Variants in LIPH observed in about 807,000 individuals in gnomAD.
LIPH encodes the protein lipase member H.
Under a neutral mutation model 47.6 loss-of-function variants are expected in LIPH, and 32 were observed. That is an observed-to-expected ratio of 0.67 (90% CI 0.51 to 0.90). The LOEUF is 0.90. Among genes scored for constraint, LIPH ranks in the 40% least tolerant of loss-of-function variants. LIPH has a pLI of 0.00. For synonymous variants in LIPH, 190 were observed against 195.6 expected (o/e 0.97, Z 0.24); for missense variants, 497 against 541.4 (o/e 0.92, Z 0.81).
chr3:185,508,294 A>C lies in LIPH; in HGVS notation c.*496T>G, dbSNP rs576853308. 6.0e-6 allele frequency: 1 copy of C among 167,156 alleles called. No homozygotes were observed. The highest frequency in any genetic ancestry group is 1.5e-4 in the South Asian group (1 of 6,520). 10.4% of individuals were successfully genotyped at this position (167,156 alleles called of 1,614,324 possible). A position where few individuals can be genotyped will look rare whatever the true frequency, so the allele number is the denominator to read the frequency against. ...ATGTGGCACCTATGGGATTTCAAAA[A>C]ACCCTTCATAGATTTTTGCCTCCCA... On this transcript the variant is annotated 3_prime_UTR_variant, in exon 10 of 10. Transcript: ENST00000296252.
At chr3:185,529,176 CAAAAAAAAA>C (rs1173804674) in intron 3 of LIPH, among the ~76,000 whole-genome samples, 1 of 54,446 alleles carries the variant, frequency 1.8e-5, no homozygotes, top group Non-Finnish European at 3.1e-5. Context: ...GACTCCGTCT[CAAAAAAAAA>C]AAAAAAAGAA....
intron 1 of LIPH, among the ~76,000 whole-genome samples, chr3:185,536,684 G>GTAAA (rs991126459): frequency 4.6e-5 from 7 of 151,886 alleles, no homozygotes; most frequent in South Asian, 4.2e-4. Flanking sequence ...AAATAAATAT[G>GTAAA]TAAATAAATA....
chr3:185,530,410 G>A (rs1228448760), intron 3 of LIPH, among the ~76,000 whole-genome samples: 12 of 151,812 alleles, frequency 7.9e-5, no homozygotes, highest in African/African-American at 2.4e-4. Context: ...CCTAGGAGGC[G>A]GAGGTTGCAA....
At chr3:185,530,364 G>A (rs931528738) in intron 3 of LIPH, among the ~76,000 whole-genome samples, 1 of 152,074 alleles carries the variant, frequency 6.6e-6, no homozygotes, top group Non-Finnish European at 1.5e-5. Context: ...TGTAGTCCCA[G>A]CTACTCGGGA....
Position 185,527,557 on chromosome 3 carries a change from G to A in LIPH, c.555C>T (p.Asn185=), listed in dbSNP as rs761299582. Reference sequence around the variant, plus strand: ...CTAATCTGTCTTGGTGAGGTTTCCCGTTGAATAAAGGGCCTGCAGGGTCGA... The same window carrying A: ...CTAATCTGTCTTGGTGAGGTTTCCCATTGAATAAAGGGCCTGCAGGGTCGA... ...TGLDPAGPLF[N]GKPHQDRLDP... is the part of the protein sequence containing the mutation. Residue 185 remains asparagine (N), a synonymous_variant, in exon 4 of 10, where the codon AAC becomes AAT. Transcript: ENST00000296252. 6.2e-7 allele frequency: 1 copy of A among 1,612,386 alleles called. No individual in the cohort carries two copies. The highest frequency in any genetic ancestry group is 8.5e-7 in the Non-Finnish European group (1 of 1,179,476).
In LIPH at chr3:185,508,300, T is replaced by G; in HGVS notation, c.*490A>C. ...CACCTATGGGATTTCAAAAAACCCTTCATAGATTTTTGCCTCCCAAACCCA... is the reference window on the plus strand; with the variant it reads ...CACCTATGGGATTTCAAAAAACCCTGCATAGATTTTTGCCTCCCAAACCCA... On this transcript the variant is annotated 3_prime_UTR_variant, in exon 10 of 10. Coordinates refer to ENST00000296252, the MANE Select transcript of LIPH (RefSeq NM_139248.3). 1 of 168,744 alleles carries G rather than the reference T, an allele frequency of 5.9e-6. No homozygotes were observed. The highest frequency in any genetic ancestry group is 1.3e-5 in the Non-Finnish European group (1 of 76,470). 10.5% of individuals were successfully genotyped at this position (168,744 alleles called of 1,614,324 possible).
intron 1 of LIPH, among the ~76,000 whole-genome samples, chr3:185,550,720 C>T (rs535486362): frequency 5.9e-5 from 9 of 152,002 alleles, no homozygotes; most frequent in Non-Finnish European, 1.3e-4. Context: ...CAGGTGCATG[C>T]CACCAGGCCT....
intron 3 of LIPH, among the ~76,000 whole-genome samples, chr3:185,533,276 G>A (rs538480650): frequency 9.9e-5 from 15 of 152,218 alleles, no homozygotes; most frequent in African/African-American, 3.4e-4. Flanking sequence ...AACTGTTTGC[G>A]GCACACAGAT....
At chr3:185,529,197 A>AAG (rs1560164637) in intron 3 of LIPH, among the ~76,000 whole-genome samples, 2 of 148,216 alleles carry the variant, frequency 1.3e-5, no homozygotes, top group Non-Finnish European at 3.0e-5. Context: ...AAAAAAGAAA[A>AAG]AAAGAAAAAG....
chr3:185,526,583 GATAAAATAAA>G (rs10588006), intron 4 of LIPH, among the ~76,000 whole-genome samples: 73 of 122,452 alleles, frequency 6.0e-4, no homozygotes, highest in Non-Finnish European at 1.1e-3. Context: ...ATAAAAATAA[GATAAAATAAA>G]ATAAAATAAA....
intron 1 of LIPH, among the ~76,000 whole-genome samples, chr3:185,543,558 G>A (rs1206651504): frequency 6.6e-6 from 1 of 152,088 alleles, no homozygotes; most frequent in Non-Finnish European, 1.5e-5. Context: ...CCACTTAATG[G>A]GACATAACTA....
intron 5 of LIPH, among the ~76,000 whole-genome samples, chr3:185,522,535 AAGGAAGAG>A (rs1446052724): frequency 1.5e-3 from 231 of 150,938 alleles, no homozygotes; most frequent in African/African-American, 5.4e-3. Context: ...GAAAGGAAGG[AAGGAAGAG>A]AGGAAGAAAG....
At chr3:185,532,166 C>T (rs1388065200) in intron 3 of LIPH, among the ~76,000 whole-genome samples, 2 of 152,128 alleles carry the variant, frequency 1.3e-5, no homozygotes, top group Non-Finnish European at 2.9e-5. Flanking sequence ...CGGCCTCTTA[C>T]TTCCATACCC....
At chr3:185,524,687 G>A (rs540037409) in intron 4 of LIPH, among the ~76,000 whole-genome samples, 2 of 152,128 alleles carry the variant, frequency 1.3e-5, no homozygotes, top group East Asian at 3.9e-4. Context: ...CTGACCTCGC[G>A]ATCTGCCCGC....
chr3:185,543,527 T>A (rs1720776894), intron 1 of LIPH, among the ~76,000 whole-genome samples: 1 of 152,224 alleles, frequency 6.6e-6, no homozygotes, highest in South Asian at 2.1e-4. Context: ...GGTTCAGTAT[T>A]TGCTAATGCA....
intron 6 of LIPH, among the ~76,000 whole-genome samples, chr3:185,518,087 A>G (rs1329417162): frequency 1.3e-5 from 2 of 152,048 alleles, no homozygotes; most frequent in East Asian, 3.9e-4. Flanking sequence ...CCCAGCAGAG[A>G]GGTTGTAAGC....
chr3:185,548,961 G>A (rs963206345), intron 1 of LIPH, among the ~76,000 whole-genome samples: 8 of 151,324 alleles, frequency 5.3e-5, no homozygotes, highest in South Asian at 2.1e-4. Flanking sequence ...GCGAAACTCC[G>A]TCTCTCCTAA....
intron 1 of LIPH, among the ~76,000 whole-genome samples, chr3:185,550,201 A>G (rs1721010048): frequency 6.6e-6 from 1 of 152,206 alleles, no homozygotes; most frequent in African/African-American, 2.4e-5. Flanking sequence ...CCAGATGAAT[A>G]TTATTCAACA....
chr3:185,542,946 G>T (rs779104980), intron 1 of LIPH, among the ~76,000 whole-genome samples: 6 of 152,052 alleles, frequency 3.9e-5, no homozygotes, highest in Non-Finnish European at 7.4e-5. Context: ...GGTGTCTCAC[G>T]CCTGTAATAC....
Sources: allele counts gnomAD v4.1 joint callset (sites outside exome capture counted in the v4.1 genomes callset), GRCh38; gene constraint gnomAD v4.1.1; transcripts MANE v1.5; gene names NCBI Gene and HGNC (gene_info 2026-07-23, HGNC 2026-07-21).